PEX14: variants seen among roughly 807,000 people sequenced by gnomAD.
PEX14 encodes peroxisomal biogenesis factor 14.
A neutral mutation model predicts 49.5 loss-of-function variants in PEX14; 15 were observed. The observed-to-expected ratio is 0.30, with a 90% CI of 0.20 to 0.47. The LOEUF (loss-of-function observed/expected upper bound fraction) is 0.47, where lower values mean the gene tolerates loss of function less well. PEX14 is among the 20% of genes least tolerant of loss of function. The probability of loss-of-function intolerance (pLI) is 1.00; values close to 1 mark genes in which losing one functional copy is unlikely to be tolerated. For synonymous variants in PEX14, 210 were observed against 212.7 expected (o/e 0.99, Z 0.11); for missense variants, 398 against 494.8 (o/e 0.80, Z 1.86).
intron 2 of PEX14, among the ~76,000 whole-genome samples, chr1:10,496,108 T>C (rs1641555401): frequency 1.3e-5 from 2 of 152,210 alleles, no homozygotes; most frequent in Non-Finnish European, 2.9e-5. Flanking sequence ...TTCACTCCCC[T>C]TCTGGCAGTC....
chr1:10,563,082 T>A (rs1384609086), intron 3 of PEX14, among the ~76,000 whole-genome samples: 7 of 18,980 alleles, frequency 3.7e-4, no homozygotes, highest in Admixed American at 1.6e-3. Flanking sequence ...TGGCTAATTT[T>A]TTTTTTTTTT....
chr1:10,518,329 A>G (rs1249679227), intron 2 of PEX14, among the ~76,000 whole-genome samples: 4 of 152,120 alleles, frequency 2.6e-5, no homozygotes, highest in African/African-American at 9.7e-5. Context: ...GGTGCTCCAC[A>G]GACCTGCAAG....
chr1:10,499,321 G>A (rs1570156630), intron 2 of PEX14, among the ~76,000 whole-genome samples: 8 of 152,106 alleles, frequency 5.3e-5, no homozygotes, highest in Admixed American at 5.2e-4. Context: ...TTGACACCAA[G>A]TTCTCTCTAA....
At chr1:10,507,111 G>A (rs1641796739) in intron 2 of PEX14, among the ~76,000 whole-genome samples, 1 of 152,174 alleles carries the variant, frequency 6.6e-6, no homozygotes, top group Non-Finnish European at 1.5e-5. Context: ...TCTTTATTTT[G>A]GTTACTTTGT....
Position 10,495,583 on chromosome 1 carries a change from T to C in PEX14, c.84+262T>C, listed in dbSNP as rs1285881496. ...CCTGCACCACTTTGTTTGTGGCTGA[T>C]CAATAGTAATTAGTGAGATTCCTGC... On this transcript the variant is annotated intron_variant, in intron 2 of 8. Coordinates refer to ENST00000356607, the MANE Select transcript of PEX14 (RefSeq NM_004565.3). This position sits in a 1 kb window ranked among gnomAD's most constrained non-coding sequence, Gnocchi z 4.2. Among the ~76,000 whole-genome samples the C allele has an allele frequency of 2.0e-5, 3 of 152,192 alleles. No homozygotes were observed. The highest frequency in any genetic ancestry group is 4.8e-5 in the African/African-American group (2 of 41,436).
chr1:10,584,289 T>C (rs1640417161), intron 3 of PEX14, among the ~76,000 whole-genome samples: 1 of 152,200 alleles, frequency 6.6e-6, no homozygotes, highest in African/African-American at 2.4e-5. Flanking sequence ...AGTTCAGTGT[T>C]AGACGTATTA....
At chr1:10,506,406 G>C (rs1165706185) in intron 2 of PEX14, among the ~76,000 whole-genome samples, 1 of 152,160 alleles carries the variant, frequency 6.6e-6, no homozygotes, top group Non-Finnish European at 1.5e-5. Flanking sequence ...AGCCTCCTGA[G>C]TAGCTGGGAT....
intron 3 of PEX14, among the ~76,000 whole-genome samples, chr1:10,573,195 T>C (rs952105339): frequency 6.6e-6 from 1 of 152,248 alleles, no homozygotes; most frequent in Non-Finnish European, 1.5e-5. Context: ...GGCGCGTAAC[T>C]ATATATTTTA....
intron 2 of PEX14, among the ~76,000 whole-genome samples, chr1:10,521,810 C>G (rs1303012943): frequency 6.6e-6 from 1 of 152,156 alleles, no homozygotes; most frequent in Non-Finnish European, 1.5e-5. Context: ...TCTGAAGTTT[C>G]ATTTGTAGTC....
Position 10,629,884 on chromosome 1 carries a change from G to T in PEX14, c.1031G>T (p.Gly344Val). 6.2e-7 allele frequency: 1 copy of T among 1,613,002 alleles called. No homozygotes were observed. Residue 344 changes from glycine to valine, a missense_variant, in exon 9 of 9, where the codon GGG becomes GTG. Gly to Val is a moderately radical substitution (Grantham distance 109). This residue lies in a region of PEX14 where 140 missense variants were observed against 155.5 expected (regional missense o/e 0.90). Coordinates refer to ENST00000356607, the MANE Select transcript of PEX14 (RefSeq NM_004565.3). The surrounding 1 kb of genome is among the most constrained non-coding windows in gnomAD (Gnocchi z 8.5). ...CATGTGGACGAGGAGGACTGCCTGG[G>T]GGTGCAGAGGGAGGACCGCCGGGGC... ...VSHVDEEDCL[G>V]VQREDRRGGD...
chr1:10,543,794 C>T (rs959632517), intron 3 of PEX14, among the ~76,000 whole-genome samples: 30 of 152,072 alleles, frequency 2.0e-4, no homozygotes, highest in African/African-American at 6.3e-4. Flanking sequence ...GAGACAGGGT[C>T]TCACTGTGTT....
chr1:10,584,354 T>C (rs1322958033), intron 3 of PEX14, among the ~76,000 whole-genome samples: 1 of 152,202 alleles, frequency 6.6e-6, no homozygotes, highest in Non-Finnish European at 1.5e-5. Context: ...AGGGATATTA[T>C]GAATCAAGTT....
chr1:10,480,377 G>T (rs1481947232), intron 1 of PEX14, among the ~76,000 whole-genome samples: 1 of 136,854 alleles, frequency 7.3e-6, no homozygotes, highest in East Asian at 2.2e-4. Flanking sequence ...GTGCCACTAC[G>T]CCTGGCTAAC....
chr1:10,507,598 A>G (rs1364729962), intron 2 of PEX14, among the ~76,000 whole-genome samples: 6 of 152,124 alleles, frequency 3.9e-5, no homozygotes, highest in Non-Finnish European at 7.3e-5. Context: ...GCAAGGTGCT[A>G]TGCCCCTGGT....
intron 3 of PEX14, among the ~76,000 whole-genome samples, chr1:10,545,015 G>T (rs1372152264): frequency 6.6e-6 from 1 of 152,026 alleles, no homozygotes; most frequent in African/African-American, 2.4e-5. Flanking sequence ...TGCCCACCTT[G>T]GCCTCCCAAA....
rs1641842985 is a variant in PEX14 at position 10,629,419 on chromosome 1, T to C, written c.678-112T>C. 1 of 763,356 alleles carries C rather than the reference T, an allele frequency of 1.3e-6. No individual in the cohort carries two copies. Among genetic ancestry groups the C allele is most frequent in the Admixed American group, 1.8e-5 (1 of 56,486 alleles). 47.3% of individuals were successfully genotyped at this position (763,356 alleles called of 1,614,324 possible). A position where few individuals can be genotyped will look rare whatever the true frequency, so the allele number is the denominator to read the frequency against. On this transcript the variant is annotated intron_variant, in intron 8 of 8. Coordinates refer to ENST00000356607, the MANE Select transcript of PEX14 (RefSeq NM_004565.3). The surrounding 1 kb of genome is among the most constrained non-coding windows in gnomAD (Gnocchi z 8.5). ...CATCCTGTCCCTTGCCCAGTGTCCCTGGGGGAGCAGCTCACCATCGCCGAG... is the reference window on the plus strand; with the variant it reads ...CATCCTGTCCCTTGCCCAGTGTCCCCGGGGGAGCAGCTCACCATCGCCGAG...
intron 3 of PEX14, among the ~76,000 whole-genome samples, chr1:10,572,794 C>T (rs139720401): frequency 0.015 from 2,236 of 152,268 alleles, 45 homozygotes; most frequent in African/African-American, 0.051. Context: ...CCTCAGCCTC[C>T]CAGAGTGCTG....
chr1:10,503,102 G>A (rs953457565), intron 2 of PEX14, among the ~76,000 whole-genome samples: 1 of 151,554 alleles, frequency 6.6e-6, no homozygotes, highest in Non-Finnish European at 1.5e-5. Flanking sequence ...CGCCCTGCCT[G>A]GAATGCAGTC....
chr1:10,483,410 A>G (rs1274362462), intron 1 of PEX14, among the ~76,000 whole-genome samples: 1 of 152,044 alleles, frequency 6.6e-6, no homozygotes, highest in African/African-American at 2.4e-5. Flanking sequence ...TCCACTTCCC[A>G]GGTTCAAGCG....
Sources: gnomAD v4.1 joint callset for allele counts (sites outside exome capture counted in the v4.1 genomes callset) on GRCh38, gnomAD v4.1.1 for gene constraint, gnomAD v4.1.1 regional missense constraint, Gnocchi (gnomAD v3.1) non-coding constraint, MANE v1.5 for transcripts, NCBI Gene and HGNC (gene_info 2026-07-23, HGNC 2026-07-21) for gene names.